Variants in DOP1B observed in about 807,000 individuals in gnomAD.
The protein encoded by DOP1B is protein DOP1B.
DOP1B carries 174 observed loss-of-function variants against 233.5 expected under a neutral mutation model. That is an observed-to-expected ratio of 0.75 (90% confidence interval 0.66 to 0.85). DOP1B has a LOEUF of 0.85. DOP1B is among the 40% of genes least tolerant of loss of function. The probability of loss-of-function intolerance (pLI) is 0.00; values close to 1 mark genes in which losing one functional copy is unlikely to be tolerated. For missense variants in DOP1B, 2,652 were observed against 2,846.6 expected, an observed-to-expected ratio of 0.93 and a Z score of 1.56; for synonymous variants, 1,190 against 1,185.6, an observed-to-expected ratio of 1.00 and a Z score of -0.08.
chr21:36,162,854 A>G (rs1188852343), intron 1 of DOP1B, among the ~76,000 whole-genome samples: 1 of 151,996 alleles, frequency 6.6e-6, no homozygotes, highest in Non-Finnish European at 1.5e-5. Flanking sequence ...CCGCCAGGGA[A>G]TGTATTTAGC....
intron 4 of DOP1B, among the ~76,000 whole-genome samples, chr21:36,205,199 G>A (rs2066413820): frequency 6.6e-6 from 1 of 152,204 alleles, no homozygotes; most frequent in Admixed American, 6.5e-5. Flanking sequence ...GGAGTGCTTG[G>A]GATTTGCGGT....
At chr21:36,273,182 A>G (rs1316996485) in intron 27 of DOP1B, among the ~76,000 whole-genome samples, 2 of 151,418 alleles carry the variant, frequency 1.3e-5, no homozygotes, top group Non-Finnish European at 2.9e-5. Flanking sequence ...TGAGGTGGGC[A>G]GATCACCTGA....
At chr21:36,264,605 C>G (rs565785067) in intron 26 of DOP1B, among the ~76,000 whole-genome samples, 72 of 151,948 alleles carry the variant, frequency 4.7e-4, no homozygotes, top group Non-Finnish European at 2.1e-4. Context: ...TCCCAAGTAG[C>G]TGAGATTACA....
intron 2 of DOP1B, chr21:36,169,691 G>A (rs1428278726): frequency 3.3e-6 from 3 of 898,626 alleles, no homozygotes; most frequent in Non-Finnish European, 5.6e-6. Context: ...CTGGGTGTGG[G>A]CAGCGAGGCG....
intron 2 of DOP1B, among the ~76,000 whole-genome samples, chr21:36,183,051 C>T (rs889032158): frequency 6.6e-6 from 1 of 152,142 alleles, no homozygotes; most frequent in African/African-American, 2.4e-5. Flanking sequence ...GGCAGGGTCT[C>T]ACTATGTTGC....
At chr21:36,170,428 T>G (rs2123404409) in intron 2 of DOP1B, 2 of 185,976 alleles carry the variant, frequency 1.1e-5, no homozygotes, top group South Asian at 2.0e-4. Context: ...AAACCCCATC[T>G]CTACTAAAAA....
intron 9 of DOP1B, among the ~76,000 whole-genome samples, chr21:36,218,754 G>A (rs1048826178): frequency 3.9e-5 from 6 of 152,162 alleles, no homozygotes; most frequent in African/African-American, 9.7e-5. Flanking sequence ...TGAGGGTTGC[G>A]GTTTGCGGAG....
At chr21:36,158,241 G>A (rs926283966) in intron 1 of DOP1B, among the ~76,000 whole-genome samples, 2 of 152,160 alleles carry the variant, frequency 1.3e-5, no homozygotes, top group Non-Finnish European at 2.9e-5. Flanking sequence ...CTGTATAACT[G>A]TCGGTTTTAC....
At position 36,245,801 on chromosome 21, in the gene DOP1B, A is replaced by G; in HGVS notation, c.3821A>G (p.His1274Arg). 1 of 1,613,482 alleles carries G rather than the reference A, an allele frequency of 6.2e-7. No homozygotes were observed. The highest frequency in any genetic ancestry group is 8.5e-7 in the Non-Finnish European group (1 of 1,179,878). ...AGCATGGATACCAGCTCCACCGCGCACCTCAACCTCATCTCCAACCTCCTC... is the reference window on the plus strand; with the variant it reads ...AGCATGGATACCAGCTCCACCGCGCGCCTCAACCTCATCTCCAACCTCCTC... ...RTSMDTSSTA[H>R]LNLISNLLAR... is the part of the protein sequence containing the mutation. The change falls in exon 19 of 37, where the codon CAC (histidine) becomes CGC (arginine). Residue 1274 changes from histidine (H) to arginine (R), a missense_variant. Physicochemically the swap from His to Arg is conservative, Grantham distance 29 (BLOSUM62 0). Around this residue, in one of 3 missense-constraint regions of DOP1B, gnomAD observed 2,617 missense variants for 2,794.3 expected, o/e 0.94. Coordinates refer to ENST00000691173, the MANE Select transcript of DOP1B (RefSeq NM_001320714.2). This position sits in a 1 kb window ranked among gnomAD's most constrained non-coding sequence, Gnocchi z 5.5.
intron 4 of DOP1B, among the ~76,000 whole-genome samples, chr21:36,203,604 AC>A (rs2066395106): frequency 6.6e-6 from 1 of 151,636 alleles, no homozygotes; most frequent in Non-Finnish European, 1.5e-5. Flanking sequence ...TGAGTGAAAC[AC>A]CCCAACAAAT....
At chr21:36,177,476 T>C (rs2066044696) in intron 2 of DOP1B, among the ~76,000 whole-genome samples, 1 of 152,170 alleles carries the variant, frequency 6.6e-6, no homozygotes, top group Non-Finnish European at 1.5e-5. Flanking sequence ...AGTCCAGATT[T>C]AGAGATGAAT....
At chr21:36,231,671 G>GT (rs1223755186) in intron 14 of DOP1B, among the ~76,000 whole-genome samples, 3,694 of 145,950 alleles carry the variant, frequency 0.025, 77 homozygotes, top group African/African-American at 0.063. Context: ...TTTGTGTTGG[G>GT]TTTTTTTGTT....
chr21:36,267,625 C>CTTTTTTTTT (rs3029062), intron 26 of DOP1B, among the ~76,000 whole-genome samples: 2 of 116,932 alleles, frequency 1.7e-5, no homozygotes, highest in African/African-American at 6.9e-5. Context: ...TGCAGTGAGA[C>CTTTTTTTTT]TTTTTTTTTT....
chr21:36,174,989 A>T (rs1246971942), intron 2 of DOP1B, among the ~76,000 whole-genome samples: 1 of 152,144 alleles, frequency 6.6e-6, no homozygotes, highest in Non-Finnish European at 1.5e-5. Context: ...GAAGTCCAAT[A>T]TCAACGTGTC....
chr21:36,282,162 T>C (rs2067424607), intron 32 of DOP1B, among the ~76,000 whole-genome samples: 1 of 152,220 alleles, frequency 6.6e-6, no homozygotes, highest in South Asian at 2.1e-4. Context: ...GGCTCATGCC[T>C]GTAATCCCAG....
Position 36,263,580 on chromosome 21 carries a change from T to A in DOP1B, c.5350T>A (p.Ser1784Thr). The A allele has an allele frequency of 6.2e-7, 1 of 1,614,188 alleles. No individual in the cohort carries two copies. Among genetic ancestry groups the A allele is most frequent in the Non-Finnish European group, 8.5e-7 (1 of 1,180,036 alleles). Residue 1784 changes from serine to threonine, a missense_variant, in exon 25 of 37, where the codon TCA becomes ACA. By Grantham distance (58) the Ser-to-Thr change is moderately conservative. Coordinates refer to ENST00000691173, the MANE Select transcript of DOP1B (RefSeq NM_001320714.2). The part of the protein sequence containing the change: ...PVPALQENFS[S>T]LLGVLKESVQ... Reference sequence around the variant, plus strand: ...ACCAGCCTTGCAAGAGAACTTTTCTTCACTGTTGGGAGTATTGAAAGAGTC... The same window carrying A: ...ACCAGCCTTGCAAGAGAACTTTTCTACACTGTTGGGAGTATTGAAAGAGTC...
chr21:36,216,744 G>T (rs1247670618), intron 9 of DOP1B, among the ~76,000 whole-genome samples: 1 of 152,102 alleles, frequency 6.6e-6, no homozygotes, highest in African/African-American at 2.4e-5. Context: ...AGTGCTCCAG[G>T]TGTACCTACC....
At position 36,168,391 on chromosome 21, in the gene DOP1B, A is replaced by G. The variant is rs959859443; in HGVS notation, c.138+3520A>G. The stretch of plus-strand genomic sequence containing the variant: ...TTTGGGGTGCATACTTAGGAGGGGC[A>G]TTGCTGGGACATACGGAAACGCTAT... On this transcript the variant is annotated intron_variant, in intron 2 of 36. Transcript: ENST00000691173. Among the ~76,000 whole-genome samples, 17 of 152,248 alleles carry G rather than the reference A, an allele frequency of 1.1e-4. No individual in the cohort carries two copies. The East Asian group carries it at 2.1e-3, about 19-fold the overall frequency.
chr21:36,259,103 C>T (rs1000023922), intron 23 of DOP1B, among the ~76,000 whole-genome samples: 6 of 151,000 alleles, frequency 4.0e-5, no homozygotes, highest in African/African-American at 1.5e-4. Flanking sequence ...GTAGCTGGGA[C>T]TACAGTCGCC....
Sources: gnomAD v4.1 joint callset for allele counts (sites outside exome capture counted in the v4.1 genomes callset) on GRCh38, gnomAD v4.1.1 for gene constraint, gnomAD v4.1.1 regional missense constraint, Gnocchi (gnomAD v3.1) non-coding constraint, MANE v1.5 for transcripts, NCBI Gene and HGNC (gene_info 2026-07-23, HGNC 2026-07-21) for gene names.